CHRM5: variants seen among roughly 807,000 people sequenced by gnomAD.
The protein encoded by CHRM5 is cholinergic receptor muscarinic 5, also known as muscarinic acetylcholine receptor M5.
Under a neutral mutation model 39.0 loss-of-function variants are expected in CHRM5, and 18 were observed. The ratio of observed to expected loss-of-function variants is 0.46; its 90% confidence interval spans 0.32 to 0.68. CHRM5 has a LOEUF of 0.68. Among genes scored for constraint, CHRM5 ranks in the 30% least tolerant of loss-of-function variants. The pLI is 0.04. For missense variants in CHRM5, 515 were observed against 651.1 expected, an observed-to-expected ratio of 0.79 and a Z score of 2.28; for synonymous variants, 241 against 246.3, an observed-to-expected ratio of 0.98 and a Z score of 0.20.
At chr15:33,970,530 G>C (rs1366548565) in intron 1 of CHRM5, among the ~76,000 whole-genome samples, 1 of 151,890 alleles carries the variant, frequency 6.6e-6, no homozygotes, top group Non-Finnish European at 1.5e-5. Flanking sequence ...CCTACACTGA[G>C]AAACAGCTGA....
chr15:34,062,362 C>T (rs1298286146), intron 2 of CHRM5, among the ~76,000 whole-genome samples: 4 of 151,752 alleles, frequency 2.6e-5, no homozygotes, highest in Admixed American at 1.3e-4. Flanking sequence ...GAGACCATCC[C>T]GCCTAACACA....
At chr15:34,053,049 C>A (rs1394686357) in intron 2 of CHRM5, among the ~76,000 whole-genome samples, 1 of 151,844 alleles carries the variant, frequency 6.6e-6, no homozygotes, top group Non-Finnish European at 1.5e-5. Context: ...CCTGTAATCC[C>A]AGCACTTTGG....
At chr15:34,009,434 T>C (rs1597344915) in intron 1 of CHRM5, among the ~76,000 whole-genome samples, 1 of 152,218 alleles carries the variant, frequency 6.6e-6, no homozygotes, top group South Asian at 2.1e-4. Flanking sequence ...TAAAACAATA[T>C]GTGTATAATT....
intron 1 of CHRM5, chr15:33,991,949 A>G (rs1896742190): frequency 6.5e-6 from 1 of 152,720 alleles, no homozygotes; most frequent in African/African-American, 2.4e-5. Context: ...TCAGGGCAGG[A>G]AAATGATAGT....
At chr15:33,984,457 C>G (rs1277512748) in intron 1 of CHRM5, among the ~76,000 whole-genome samples, 2 of 151,560 alleles carry the variant, frequency 1.3e-5, no homozygotes, top group African/African-American at 4.8e-5. Flanking sequence ...GGCTGGAGTG[C>G]AATGGCATGA....
Position 33,983,930 on chromosome 15 carries a change from G to GA in CHRM5, c.-408+14793dup, listed in dbSNP as rs11353733. 8.0e-3 allele frequency among the ~76,000 whole-genome samples: 1,141 copies of GA among 142,934 alleles called. 8 individuals carry two copies. The highest frequency in any genetic ancestry group is 0.023 in the African/African-American group (896 of 39,686). The allele number at this position is 142,934 out of a possible 152,430, so 93.8% of individuals were successfully genotyped here. A position where few individuals can be genotyped will look rare whatever the true frequency, so the allele number is the denominator to read the frequency against. The stretch of plus-strand genomic sequence containing the variant: ...GAATCCATAATCTCAGCCTCATCAT[G>GA]AAAAAAAAAAAAATCAGAAAAACCC... On this transcript the variant is annotated intron_variant, in intron 1 of 2. Transcript: ENST00000383263.
intron 2 of CHRM5, among the ~76,000 whole-genome samples, chr15:34,053,608 A>G (rs2576304): frequency 0.79 from 119,372 of 151,820 alleles, 48,732 homozygotes; most frequent in Non-Finnish European, 0.89. Flanking sequence ...AATGGTGCTG[A>G]GAGAACTGGC....
At chr15:34,034,980 T>C (rs1481602018) in intron 1 of CHRM5, among the ~76,000 whole-genome samples, 1 of 152,202 alleles carries the variant, frequency 6.6e-6, no homozygotes, top group Non-Finnish European at 1.5e-5. Flanking sequence ...GGCTGGTGGC[T>C]ACTCTGAGCA....
At chr15:34,011,852 A>C (rs1897652294) in intron 1 of CHRM5, among the ~76,000 whole-genome samples, 1 of 152,208 alleles carries the variant, frequency 6.6e-6, no homozygotes, top group Non-Finnish European at 1.5e-5. Context: ...GATTTCTCAA[A>C]GTCAAGACCT....
intron 2 of CHRM5, among the ~76,000 whole-genome samples, chr15:34,060,787 T>C (rs1282509813): frequency 6.6e-6 from 1 of 152,016 alleles, no homozygotes; most frequent in Non-Finnish European, 1.5e-5. Context: ...GGAGAATTGC[T>C]TGAACCCAAG....
intron 2 of CHRM5, among the ~76,000 whole-genome samples, chr15:34,061,780 C>T (rs551099907): frequency 6.6e-6 from 1 of 152,218 alleles, no homozygotes; most frequent in East Asian, 1.9e-4. Context: ...TGTAAAACCC[C>T]CTAGATGAAA....
chr15:34,039,994 A>G (rs1899398326), intron 1 of CHRM5, among the ~76,000 whole-genome samples: 2 of 152,316 alleles, frequency 1.3e-5, no homozygotes, highest in South Asian at 2.1e-4. Flanking sequence ...GACTGAAACC[A>G]CCTGAAAATA....
At chr15:34,044,174 T>C (rs1007292164) in intron 1 of CHRM5, among the ~76,000 whole-genome samples, 3 of 152,284 alleles carry the variant, frequency 2.0e-5, no homozygotes, top group South Asian at 4.1e-4. Flanking sequence ...TATAGCAAAG[T>C]TCCTCAGAAG....
chr15:33,994,179 C>T (rs929142283), intron 1 of CHRM5, among the ~76,000 whole-genome samples: 4 of 152,160 alleles, frequency 2.6e-5, no homozygotes, highest in Non-Finnish European at 4.4e-5. Flanking sequence ...ACAGCCACTC[C>T]CTACTGCTTG....
intron 1 of CHRM5, among the ~76,000 whole-genome samples, chr15:33,987,671 G>C (rs1055095377): frequency 6.6e-6 from 1 of 152,182 alleles, no homozygotes; most frequent in Non-Finnish European, 1.5e-5. Context: ...GCATCTGCAG[G>C]CCTCCTCTAT....
rs140326548 is a variant in CHRM5, at chr15:34,031,557, G to A, written c.-407-14983G>A. Among the ~76,000 whole-genome samples, 853 of 152,260 alleles carry A rather than the reference G, an allele frequency of 5.6e-3. 7 individuals are homozygous for A. Among genetic ancestry groups the A allele is most frequent in the African/African-American group, 0.019 (804 of 41,542 alleles). On this transcript the variant is annotated intron_variant, in intron 1 of 2. Coordinates refer to ENST00000383263, the MANE Select transcript of CHRM5 (RefSeq NM_012125.4). ...AAAGAAATATGGATCAGACAGATTC[G>A]TATCAGTCCTTAATGGCAAGAGGAC... is the stretch of plus-strand genomic sequence containing the variant.
chr15:34,039,127 C>T (rs1327600766), intron 1 of CHRM5: 12 of 1,038,528 alleles, frequency 1.2e-5, no homozygotes, highest in African/African-American at 1.7e-5. Flanking sequence ...GCGGGCCGCA[C>T]GGAGGAGCCG....
At chr15:33,992,401 A>T (rs1023200210) in intron 1 of CHRM5, among the ~76,000 whole-genome samples, 1 of 152,196 alleles carries the variant, frequency 6.6e-6, no homozygotes, top group African/African-American at 2.4e-5. Flanking sequence ...AAAAAAAAGA[A>T]AAAAGAAAAT....
At chr15:33,991,090 T>C (rs1896701452) in intron 1 of CHRM5, 1 of 151,476 alleles carries the variant, frequency 6.6e-6, no homozygotes, top group Non-Finnish European at 1.5e-5. Flanking sequence ...CATAATTATT[T>C]TATGTCTAAT....
Sources: gnomAD v4.1 joint callset for allele counts (sites outside exome capture counted in the v4.1 genomes callset) on GRCh38, gnomAD v4.1.1 for gene constraint, MANE v1.5 for transcripts, NCBI Gene and HGNC (gene_info 2026-07-23, HGNC 2026-07-21) for gene names.